The following PSME3 variants were observed in gnomAD, a reference collection of about 807,000 sequenced individuals.
The protein encoded by PSME3 is proteasome activator complex subunit 3.
PSME3 carries 7 observed loss-of-function variants against 38.3 expected under a neutral mutation model. The ratio of observed to expected loss-of-function variants is 0.18; its 90% CI spans 0.10 to 0.34. PSME3 has a LOEUF of 0.34. Ranked by LOEUF, PSME3 falls within the 10% of genes least tolerant of loss-of-function variation. PSME3 has a pLI of 1.00. For synonymous variants in PSME3, 108 were observed against 105.7 expected, an observed-to-expected ratio of 1.02 and a Z score of -0.13; for missense variants, 192 against 307.6, an observed-to-expected ratio of 0.62 and a Z score of 2.81.
At position 42,839,235 on chromosome 17, in the gene PSME3, G is replaced by A. The variant is rs558371308; in HGVS notation, c.598-59G>A. ...GTGAAGAGTGACTGTTACTGGGAAG[G>A]AGCTGTCTGGAAACAATTGGGCTTT... On this transcript the variant is annotated intron_variant, in intron 9 of 10. Transcript: ENST00000590720. The A allele has an allele frequency of 1.4e-5, 22 of 1,567,680 alleles. No homozygotes were observed. In the Admixed American group the frequency reaches 3.3e-4, roughly 24 times the overall value.
rs754134557 is a variant in PSME3, at chr17:42,838,079, C to T, written c.293-14C>T. On this transcript the variant is annotated splice_polypyrimidine_tract_variant and intron_variant, in intron 5 of 10. Transcript: ENST00000590720. ...CCCTCTTCCCTGATCATTTGACCTT[C>T]ACATCTCTGCCAGGAACCAAGGTGT... 4.3e-6 allele frequency: 7 copies of T among 1,613,756 alleles called. No homozygotes were observed. In the East Asian group the frequency reaches 1.3e-4, roughly 31 times the overall value.
At chr17:42,837,758 C>G in intron 5 of PSME3, 61 bp downstream of exon 5, 3 of 1,538,638 alleles carry the variant, frequency 1.9e-6, no homozygotes, top group Non-Finnish European at 2.7e-6. Context: ...CCCTGAGAAG[C>G]AGGATGGATC....
At chr17:42,836,357 C>T (rs1381759990) in intron 4 of PSME3, among the ~76,000 whole-genome samples, 2 of 151,974 alleles carry the variant, frequency 1.3e-5, no homozygotes, top group South Asian at 4.1e-4. Flanking sequence ...TGATCCTGGT[C>T]CCTAGCAATT....
At position 42,833,429 on chromosome 17, in the gene PSME3, G is replaced by C. The variant is rs2055420935; in HGVS notation, c.-203G>C. On this transcript the variant is annotated 5_prime_UTR_variant, in exon 1 of 11. Coordinates refer to ENST00000590720, the MANE Select transcript of PSME3 (RefSeq NM_005789.4). ...CCGGCGTGAGCGGCGAAAGCCGGGAGGGCGAGCGAGAGAGCAAGCAGGCAG... is the reference window on the plus strand; with the variant it reads ...CCGGCGTGAGCGGCGAAAGCCGGGACGGCGAGCGAGAGAGCAAGCAGGCAG... The C allele has an allele frequency of 1.6e-6, 1 of 619,638 alleles. No homozygotes were observed. Among genetic ancestry groups the C allele is most frequent in the African/African-American group, 1.8e-5 (1 of 54,054 alleles). The allele number at this position is 619,638 out of a possible 1,614,324, so 38.4% of individuals were successfully genotyped here. A position where few individuals can be genotyped will look rare whatever the true frequency, so the allele number is the denominator to read the frequency against.
intron 5 of PSME3, 189 bp from the exon 6 acceptor site, chr17:42,837,904 T>C (rs1227537581): frequency 4.6e-6 from 4 of 862,268 alleles, no homozygotes; most frequent in East Asian, 2.6e-5. Context: ...ACTTTTGTTA[T>C]GTTTTAGACG....
intron 4 of PSME3, among the ~76,000 whole-genome samples, chr17:42,836,751 A>G (rs1164610330): frequency 6.6e-6 from 1 of 152,078 alleles, no homozygotes; most frequent in East Asian, 1.9e-4. Context: ...TTGTGGAGAC[A>G]GGGTTTCCCT....
chr17:42,839,038 G>A, intron 8 of PSME3, 26 bp downstream of exon 8: 1 of 1,612,132 alleles, frequency 6.2e-7, no homozygotes, highest in South Asian at 1.1e-5. Flanking sequence ...CTTGGCCGAG[G>A]CGTTGGGGGC....
At chr17:42,837,833 T>C in intron 5 of PSME3, 136 bp downstream of exon 5, 3 of 1,072,500 alleles carry the variant, frequency 2.8e-6, no homozygotes, top group Non-Finnish European at 4.2e-6. Context: ...TCCCAGCTCC[T>C]CCAAACGTGC....
At position 42,834,141 on chromosome 17, in the gene PSME3, G is replaced by A. The variant is rs759403420; in HGVS notation, c.43-203G>A. 7.4e-6 allele frequency: 11 copies of A among 1,477,498 alleles called. No individual in the cohort carries two copies. The African/African-American group carries it at 1.3e-4, about 17-fold the overall frequency. 91.5% of individuals were successfully genotyped at this position (1,477,498 alleles called of 1,614,324 possible). ...GGGAGGGAAGGGGGAGGACAGAGGA[G>A]ACAGGCAGGTGCTGTCCTCAAAGCC... On this transcript the variant is annotated intron_variant, in intron 1 of 10. Transcript: ENST00000590720.
chr17:42,841,132 C>CAAAAAAAAAAAAAAAAAAAAAAAAAAA (rs35142424), intron 10 of PSME3, among the ~76,000 whole-genome samples: 1 of 63,792 alleles, frequency 1.6e-5, no homozygotes, highest in Non-Finnish European at 3.4e-5. Context: ...GACCGTGTCT[C>CAAAAAAAAAAAAAAAAAAAAAAAAAAA]AAAAAAAAAA....
intron 9 of PSME3, 36 bp downstream of exon 9, chr17:42,839,202 G>T (rs1321391604): frequency 6.4e-7 from 1 of 1,563,352 alleles, no homozygotes; most frequent in Admixed American, 1.7e-5. Flanking sequence ...GGTGGAGGTG[G>T]CAGGATAGTG....
intron 4 of PSME3, 49 bp from the exon 5 acceptor site, chr17:42,837,600 A>C: frequency 6.4e-7 from 1 of 1,562,636 alleles, no homozygotes; most frequent in Non-Finnish European, 8.8e-7. Context: ...CTTGTGATGG[A>C]GATGTGGGTG....
At chr17:42,838,515 C>G (rs150804378) in intron 6 of PSME3, among the ~76,000 whole-genome samples, 3,280 of 152,096 alleles carry the variant, frequency 0.022, 117 homozygotes, top group African/African-American at 0.074. Flanking sequence ...ACCATTTTGG[C>G]CATGGTTAGC....
intron 1 of PSME3, 159 bp downstream of exon 1, chr17:42,833,832 G>A (rs2055428994): frequency 6.5e-7 from 1 of 1,545,190 alleles, no homozygotes; most frequent in African/African-American, 1.4e-5. Flanking sequence ...GGCTTCGCGG[G>A]AGAGGAAAAT....
At chr17:42,839,442 T>C in intron 10 of PSME3, 62 bp downstream of exon 10, 1 of 1,386,954 alleles carries the variant, frequency 7.2e-7, no homozygotes, top group East Asian at 2.3e-5. Context: ...TTGAGAGTAT[T>C]GTTAAAATTC....
chr17:42,834,704 G>C lies in PSME3; in HGVS notation c.139-68G>C, dbSNP rs1037399816. ...AACTGTAAAAGCACTTTCATTTCTT[G>C]CTCTTCAAATCAAATACTTCTTTGT... On this transcript the variant is annotated intron_variant, in intron 3 of 10. Coordinates refer to ENST00000590720, the MANE Select transcript of PSME3 (RefSeq NM_005789.4). 6.2e-6 allele frequency: 10 copies of C among 1,603,620 alleles called. No homozygotes were observed. In the African/African-American group the frequency reaches 1.4e-4, roughly 22 times the overall value.
At chr17:42,834,926 CCT>C in intron 4 of PSME3, 50 bp downstream of exon 4, 1 of 1,606,000 alleles carries the variant, frequency 6.2e-7, no homozygotes, top group Non-Finnish European at 8.5e-7. Context: ...GGTCCTCTGT[CCT>C]CTGTTTCCTT....
In PSME3 at chr17:42,841,921, C is replaced by T. The variant is rs1414006105; in HGVS notation, c.*343C>T. On this transcript the variant is annotated 3_prime_UTR_variant, in exon 11 of 11. Transcript: ENST00000590720. ...GTGTCTTGCGCTTTATGTTTTCTTC[C>T]GTTTGATAATTAGTTGGTTAAAAGC... 3 of 172,922 alleles carry T rather than the reference C, an allele frequency of 1.7e-5. No homozygotes were observed. The highest frequency in any genetic ancestry group is 2.8e-4 in the East Asian group (2 of 7,048). The allele number at this position is 172,922 out of a possible 1,614,324, so 10.7% of individuals were successfully genotyped here.
chr17:42,843,292 C>T lies in PSME3; in HGVS notation c.*1714C>T, dbSNP rs1265691439. 6.5e-6 allele frequency: 1 copy of T among 152,748 alleles called. No individual in the cohort carries two copies. The highest frequency in any genetic ancestry group is 2.4e-5 in the African/African-American group (1 of 41,438). The allele number at this position is 152,748 out of a possible 1,614,324, so 9.5% of individuals were successfully genotyped here. A position where few individuals can be genotyped will look rare whatever the true frequency, so the allele number is the denominator to read the frequency against. On this transcript the variant is annotated 3_prime_UTR_variant, in exon 11 of 11. Transcript: ENST00000590720. ...TGGTGGCTAGGGATGTACTCATGCT[C>T]ATATGTGTGCACGCTTGGACACCCA...
Sources: gnomAD v4.1 joint callset for allele counts (sites outside exome capture counted in the v4.1 genomes callset) on GRCh38, gnomAD v4.1.1 for gene constraint, MANE v1.5 for transcripts, NCBI Gene and HGNC (gene_info 2026-07-23, HGNC 2026-07-21) for gene names.